The following CNTNAP2 variants were observed in gnomAD, a reference collection of about 807,000 sequenced individuals.
CNTNAP2 encodes the protein contactin-associated protein-like 2.
Under a neutral mutation model 155.2 loss-of-function variants are expected in CNTNAP2, and 98 were observed. The observed-to-expected ratio is 0.63, with a 90% CI of 0.54 to 0.75. The LOEUF is 0.75. Ranked by LOEUF, CNTNAP2 falls within the 30% of genes least tolerant of loss-of-function variation. The probability of loss-of-function intolerance (pLI) is 0.00; values close to 1 mark genes in which losing one functional copy is unlikely to be tolerated. For missense variants in CNTNAP2, 1,727 were observed against 1,688.1 expected, an observed-to-expected ratio of 1.02 and a Z score of -0.40; for synonymous variants, 651 against 631.2, an observed-to-expected ratio of 1.03 and a Z score of -0.47.
intron 13 of CNTNAP2, among the ~76,000 whole-genome samples, chr7:147,696,765 T>G (rs1042459983): frequency 1.3e-5 from 2 of 152,134 alleles, no homozygotes; most frequent in African/African-American, 4.8e-5. Context: ...AGGATAGTTT[T>G]GCAGAGTGCA....
chr7:146,574,528 C>G (rs1201624986), intron 1 of CNTNAP2, among the ~76,000 whole-genome samples: 1 of 152,098 alleles, frequency 6.6e-6, no homozygotes, highest in Non-Finnish European at 1.5e-5. Context: ...TGGTGAGACT[C>G]CGTCTCTACT....
chr7:147,484,711 A>C (rs1798481728), intron 10 of CNTNAP2, among the ~76,000 whole-genome samples: 1 of 152,212 alleles, frequency 6.6e-6, no homozygotes, highest in South Asian at 2.1e-4. Context: ...GCTAGTGGTA[A>C]ATTGAGAACA....
chr7:147,300,390 C>T (rs1172129208), intron 9 of CNTNAP2, 100 bp downstream of exon 9: 1 of 1,314,450 alleles, frequency 7.6e-7, no homozygotes, highest in Non-Finnish European at 1.1e-6. Flanking sequence ...TCAACTGACT[C>T]AGTAGATCTC....
At chr7:147,424,740 C>A (rs73475112) in intron 10 of CNTNAP2, among the ~76,000 whole-genome samples, 3,149 of 152,256 alleles carry the variant, frequency 0.021, 119 homozygotes, top group African/African-American at 0.072. Flanking sequence ...CTCTTTGTTT[C>A]TAATACCAAA....
intron 1 of CNTNAP2, among the ~76,000 whole-genome samples, chr7:146,364,201 G>A (rs527494352): frequency 6.6e-6 from 1 of 152,232 alleles, no homozygotes; most frequent in East Asian, 1.9e-4. Context: ...AGGCTCAGAA[G>A]AATTAAGTGA....
At chr7:146,856,126 T>C (rs2129204116) in intron 3 of CNTNAP2, among the ~76,000 whole-genome samples, 1 of 151,922 alleles carries the variant, frequency 6.6e-6, no homozygotes, top group Non-Finnish European at 1.5e-5. Context: ...TTCATATTGG[T>C]CAAACCTGGA....
chr7:146,741,342 C>A (rs1801712770), intron 1 of CNTNAP2, among the ~76,000 whole-genome samples: 1 of 152,062 alleles, frequency 6.6e-6, no homozygotes. Flanking sequence ...TGTCTGGCTC[C>A]CACAAGGCAT....
chr7:147,142,122 T>A (rs1318229666), intron 8 of CNTNAP2, among the ~76,000 whole-genome samples: 5 of 151,916 alleles, frequency 3.3e-5, no homozygotes, highest in African/African-American at 1.2e-4. Flanking sequence ...TGAATAGGAG[T>A]GGTGAGAGAG....
chr7:148,322,841 T>C (rs1347160370), intron 21 of CNTNAP2, among the ~76,000 whole-genome samples: 3 of 150,534 alleles, frequency 2.0e-5, no homozygotes, highest in African/African-American at 7.4e-5. Flanking sequence ...TAAGTTTCAT[T>C]CAGGGACTAC....
chr7:148,198,408 CT>C lies in CNTNAP2; in HGVS notation c.3011-18878del, dbSNP rs554935980. On this transcript the variant is annotated intron_variant, in intron 18 of 23. Transcript: ENST00000361727. The stretch of plus-strand genomic sequence containing the variant: ...ACTCATCGAGTATCTAATGTAGATT[CT>C]TAACTGCCTTGAGTGCTTTTAAGGG... 1.4e-4 allele frequency among the ~76,000 whole-genome samples: 21 copies of C among 152,294 alleles called. No individual in the cohort carries two copies. In the South Asian group the frequency reaches 4.4e-3, roughly 32 times the overall value.
At chr7:146,361,418 A>G (rs1384589251) in intron 1 of CNTNAP2, among the ~76,000 whole-genome samples, 1 of 152,136 alleles carries the variant, frequency 6.6e-6, no homozygotes, top group Admixed American at 6.5e-5. Context: ...TCACTTGAAT[A>G]TGTGTCATAG....
rs1416842504 is a variant in CNTNAP2, at chr7:146,873,703, C to T, written c.402+33799C>T. ...GTTTCGGGGAACTACAAGATGTTTC[C>T]TATTTCTGTATCACAATTACATGAG... On this transcript the variant is annotated intron_variant, in intron 3 of 23. Transcript: ENST00000361727. 5.9e-5 allele frequency among the ~76,000 whole-genome samples: 9 copies of T among 152,088 alleles called. No homozygotes were observed. The East Asian group carries it at 1.4e-3, about 23-fold the overall frequency.
intron 4 of CNTNAP2, among the ~76,000 whole-genome samples, chr7:147,062,144 A>C (rs950128065): frequency 0.066 from 6,529 of 99,476 alleles, 225 homozygotes; most frequent in Middle Eastern, 0.13. Context: ...AAAAAAAAAA[A>C]AAAAAAAAAA....
chr7:146,160,993 G>A (rs2116798290), intron 1 of CNTNAP2, among the ~76,000 whole-genome samples: 1 of 152,290 alleles, frequency 6.6e-6, no homozygotes, highest in South Asian at 2.1e-4. Flanking sequence ...ACATCAAAAA[G>A]CTTATCCACC....
intron 11 of CNTNAP2, among the ~76,000 whole-genome samples, chr7:147,502,912 A>G (rs1470890514): frequency 6.6e-6 from 1 of 152,182 alleles, no homozygotes; most frequent in East Asian, 1.9e-4. Context: ...CAAGGACTCT[A>G]TTATACACAT....
chr7:148,364,607 C>A (rs1457739270), intron 21 of CNTNAP2, among the ~76,000 whole-genome samples: 1 of 152,074 alleles, frequency 6.6e-6, no homozygotes, highest in Non-Finnish European at 1.5e-5. Flanking sequence ...TCTGGTGGGG[C>A]CTTGGAGAAC....
intron 21 of CNTNAP2, among the ~76,000 whole-genome samples, chr7:148,326,864 C>CA (rs200129283): frequency 0.52 from 66,436 of 128,828 alleles, 15,942 homozygotes; most frequent in South Asian, 0.61. Flanking sequence ...GACCCCGTCT[C>CA]AAAAAAAAAA....
chr7:148,276,452 TC>T (rs1796871715), intron 21 of CNTNAP2, among the ~76,000 whole-genome samples: 1 of 152,140 alleles, frequency 6.6e-6, no homozygotes, highest in Non-Finnish European at 1.5e-5. Flanking sequence ...CGCCACCTCC[TC>T]CCATCCTGCA....
chr7:146,116,884 C>T lies in CNTNAP2; in HGVS notation c.8C>T (p.Ala3Val). 3.2e-6 allele frequency: 5 copies of T among 1,545,462 alleles called. No individual in the cohort carries two copies. The South Asian group carries it at 3.6e-5, about 11-fold the overall frequency. ...CCGGCCGGGAGGCGAAGGATGCAGG[C>T]GGCTCCGCGCGCCGGCTGCGGGGCA... The part of the protein sequence containing the change: MQ[A>V]APRAGCGAAL... Residue 3 changes from alanine (A) to valine (V), a missense_variant, in exon 1 of 24, where the codon GCG becomes GTG. By Grantham distance (64) the Ala-to-Val change is moderately conservative (BLOSUM62 0). Transcript: ENST00000361727. This position sits in a 1 kb window ranked among gnomAD's most constrained non-coding sequence, Gnocchi z 5.5.
Sources: allele counts gnomAD v4.1 joint callset (sites outside exome capture counted in the v4.1 genomes callset), GRCh38; gene constraint gnomAD v4.1.1; non-coding constraint Gnocchi (gnomAD v3.1); transcripts MANE v1.5; gene names NCBI Gene and HGNC (gene_info 2026-07-23, HGNC 2026-07-21).